INA: variants seen among roughly 807,000 people sequenced by gnomAD.
INA encodes the protein internexin neuronal intermediate filament protein alpha.
INA carries 35 observed loss-of-function variants against 40.1 expected under a neutral mutation model. That is an observed-to-expected ratio of 0.87 (90% CI 0.67 to 1.16). The LOEUF (loss-of-function observed/expected upper bound fraction) is 1.16. INA is among the 50% of genes most tolerant of loss of function. The pLI is 0.00. For missense variants in INA, 594 were observed against 686.7 expected (o/e 0.87, Z 1.51); for synonymous variants, 290 against 316.9 (o/e 0.92, Z 0.90).
intron 1 of INA, among the ~76,000 whole-genome samples, chr10:103,284,606 T>C (rs1351932850): frequency 6.6e-6 from 1 of 151,774 alleles, no homozygotes; most frequent in Non-Finnish European, 1.5e-5. Context: ...ATACAAAAAT[T>C]AGCCAGGTGT....
At chr10:103,288,160 A>G (rs1022496156) in intron 2 of INA, among the ~76,000 whole-genome samples, 200 bp from the exon 3 acceptor site, 2 of 152,128 alleles carry the variant, frequency 1.3e-5, no homozygotes, top group East Asian at 3.8e-4. Context: ...CTGGTGCTGA[A>G]GGGGGGTGTG....
Position 103,277,432 on chromosome 10 carries a change from G to T in INA, c.221G>T (p.Gly74Val). The T allele has an allele frequency of 6.4e-7, 1 of 1,570,480 alleles. No individual in the cohort carries two copies. Among genetic ancestry groups the T allele is most frequent in the Non-Finnish European group, 8.6e-7 (1 of 1,163,192 alleles). Reference protein sequence around the residue: ...LAYRRPPASDGLDLSQAAART... With the variant: ...LAYRRPPASDVLDLSQAAART... Reference sequence around the variant, plus strand: ...TATCGCCGGCCGCCGGCGTCCGACGGGCTGGACCTGAGCCAGGCGGCGGCG... The same window carrying T: ...TATCGCCGGCCGCCGGCGTCCGACGTGCTGGACCTGAGCCAGGCGGCGGCG... Residue 74 changes from glycine to valine, a missense_variant, in exon 1 of 3, where the codon GGG (glycine) becomes GTG (valine). Physicochemically the swap from Gly to Val is moderately radical, Grantham distance 109. Transcript: ENST00000369849. The surrounding 1 kb of genome is among the most constrained non-coding windows in gnomAD (Gnocchi z 5.6).
At position 103,277,988 on chromosome 10, in the gene INA, A is replaced by G. The variant is rs1379799446; in HGVS notation, c.777A>G (p.Pro259=). 2 of 1,591,442 alleles carry G rather than the reference A, an allele frequency of 1.3e-6. No homozygotes were observed. The highest frequency in any genetic ancestry group is 2.7e-5 in the African/African-American group (2 of 74,352). The change falls in exon 1 of 3, where the codon CCA becomes CCG. Residue 259 remains proline (P), a synonymous_variant. Transcript: ENST00000369849. This position sits in a 1 kb window ranked among gnomAD's most constrained non-coding sequence, Gnocchi z 5.6. ...AAEVDVTVAK[P]DLTSALREIR... ...AGGTGGACGTGACTGTGGCTAAACC[A>G]GACCTGACCTCGGCTCTGAGGGAGA...
chr10:103,286,426 C>T (rs1249429926), intron 1 of INA, among the ~76,000 whole-genome samples: 1 of 151,330 alleles, frequency 6.6e-6, no homozygotes. Context: ...TTCCATGCCT[C>T]GGTGTTTTAA....
intron 1 of INA, among the ~76,000 whole-genome samples, chr10:103,285,916 G>A (rs1321725230): frequency 1.3e-5 from 2 of 151,956 alleles, no homozygotes; most frequent in Non-Finnish European, 2.9e-5. Flanking sequence ...CCACACCCGG[G>A]TGAACTGAAT....
Position 103,278,340 on chromosome 10 carries a change from C to T in INA, c.1065+64C>T. On this transcript the variant is annotated intron_variant, in intron 1 of 2. Coordinates refer to ENST00000369849, the MANE Select transcript of INA (RefSeq NM_032727.4). The surrounding 1 kb of genome is among the most constrained non-coding windows in gnomAD (Gnocchi z 4.9). ...CCTCTTCCGCGCGTACCCTCTTCCTCTGGTAAAACTGGGCCCCAGGACTTA... is the reference window on the plus strand; with the variant it reads ...CCTCTTCCGCGCGTACCCTCTTCCTTTGGTAAAACTGGGCCCCAGGACTTA... 7.7e-7 allele frequency: 1 copy of T among 1,292,242 alleles called. No individual in the cohort carries two copies. The highest frequency in any genetic ancestry group is 2.5e-5 in the East Asian group (1 of 39,318). 80.0% of individuals were successfully genotyped at this position (1,292,242 alleles called of 1,614,324 possible).
chr10:103,282,898 G>C (rs1051709436), intron 1 of INA, among the ~76,000 whole-genome samples: 5 of 152,274 alleles, frequency 3.3e-5, no homozygotes, highest in Admixed American at 3.3e-4. Context: ...GGGCCATGTG[G>C]TATGATATTA....
chr10:103,282,737 G>C (rs1271129701), intron 1 of INA, among the ~76,000 whole-genome samples: 1 of 150,268 alleles, frequency 6.7e-6, no homozygotes, highest in Admixed American at 6.6e-5. Flanking sequence ...ATTCAAAATT[G>C]TTATTAAAAA....
At chr10:103,284,831 C>T (rs945169115) in intron 1 of INA, among the ~76,000 whole-genome samples, 10 of 151,942 alleles carry the variant, frequency 6.6e-5, no homozygotes, top group Admixed American at 3.9e-4. Context: ...CAACTGAGTG[C>T]TTTTTTTCTA....
intron 1 of INA, 138 bp from the exon 2 acceptor site, chr10:103,286,897 A>G (rs1161609229): frequency 5.0e-6 from 4 of 806,750 alleles, no homozygotes; most frequent in Non-Finnish European, 5.7e-6. Flanking sequence ...GGACTCAGGG[A>G]CAGACCTGGA....
chr10:103,279,071 G>GT (rs1049330166), intron 1 of INA, among the ~76,000 whole-genome samples: 2 of 152,062 alleles, frequency 1.3e-5, no homozygotes, highest in Non-Finnish European at 2.9e-5. Flanking sequence ...CTCCTGTCTC[G>GT]TGTCCCAGTT....
chr10:103,277,195 GC>G lies in INA; in HGVS notation c.-13del. ...AGCTCGCGTTGAAGCCGCACGTCCG[GC>G]CCCGATCCCGGCACCATGAGCTTCG... On this transcript the variant is annotated 5_prime_UTR_variant, in exon 1 of 3. Coordinates refer to ENST00000369849, the MANE Select transcript of INA (RefSeq NM_032727.4). This position sits in a 1 kb window ranked among gnomAD's most constrained non-coding sequence, Gnocchi z 5.6. 1.3e-6 allele frequency: 2 copies of G among 1,566,052 alleles called. No individual in the cohort carries two copies. The highest frequency in any genetic ancestry group is 1.9e-5 in the Admixed American group (1 of 53,622).
Position 103,277,391 on chromosome 10 carries a change from C to A in INA, c.180C>A (p.Leu60=), listed in dbSNP as rs1328764247. Residue 60 remains leucine, a synonymous_variant, in exon 1 of 3, where the codon CTC becomes CTA. Transcript: ENST00000369849. This position sits in a 1 kb window ranked among gnomAD's most constrained non-coding sequence, Gnocchi z 5.6. ...SSAACSSASS[L]GLGLAYRRPP... Reference sequence around the variant, plus strand: ...CCGCCTGCTCCTCGGCCTCGTCGCTCGGCCTCGGCCTGGCCTATCGCCGGC... The same window carrying A: ...CCGCCTGCTCCTCGGCCTCGTCGCTAGGCCTCGGCCTGGCCTATCGCCGGC... 6.4e-7 allele frequency: 1 copy of A among 1,553,368 alleles called. No homozygotes were observed.
Position 103,285,467 on chromosome 10 carries a change from TG to T in INA, c.1066-1567del. Among the ~76,000 whole-genome samples, 2 of 148,872 alleles carry T rather than the reference TG, an allele frequency of 1.3e-5. 1 individual carries two copies. Among genetic ancestry groups the T allele is most frequent in the Non-Finnish European group, 3.0e-5 (2 of 67,380 alleles). On this transcript the variant is annotated intron_variant, in intron 1 of 2. Coordinates refer to ENST00000369849, the MANE Select transcript of INA (RefSeq NM_032727.4). Reference sequence around the variant, plus strand: ...CTTGCCACTGCACACAGCTAATTTTTGTACTTTTAGTAGAGACGGGGTTTCT... The same window carrying T: ...CTTGCCACTGCACACAGCTAATTTTTTACTTTTAGTAGAGACGGGGTTTCT...
Position 103,277,603 on chromosome 10 carries a change from A to T in INA, c.392A>T (p.Gln131Leu), listed in dbSNP as rs776591839. ...GAGGCCGAGCTGGCCGCGCTGCGAC[A>T]GCGCCACGCTGAGCCGTCGCGCGTC... ...ALEAELAALR[Q>L]RHAEPSRVGE... Residue 131 changes from glutamine to leucine, a missense_variant, in exon 1 of 3, where the codon CAG (glutamine) becomes CTG (leucine). This residue lies in a region of INA where 215 missense variants were observed against 190.6 expected (regional missense o/e 1.13). Transcript: ENST00000369849. The surrounding 1 kb of genome is among the most constrained non-coding windows in gnomAD (Gnocchi z 5.6). 6.5e-7 allele frequency: 1 copy of T among 1,545,612 alleles called. No individual in the cohort carries two copies. The highest frequency in any genetic ancestry group is 1.2e-5 in the South Asian group (1 of 85,444).
Position 103,289,292 on chromosome 10 carries a change from C to G in INA, c.*623C>G, listed in dbSNP as rs1266153724. The G allele has an allele frequency of 2.0e-5, 3 of 152,612 alleles. No individual in the cohort carries two copies. The highest frequency in any genetic ancestry group is 2.9e-5 in the Non-Finnish European group (2 of 68,046). 9.5% of individuals were successfully genotyped at this position (152,612 alleles called of 1,614,324 possible). On this transcript the variant is annotated 3_prime_UTR_variant, in exon 3 of 3. Transcript: ENST00000369849. ...AACTTACCCCCATTCGCGCTCTGCTCAGTGGGTAAAATTAGATGCATGTTG... is the reference window on the plus strand; with the variant it reads ...AACTTACCCCCATTCGCGCTCTGCTGAGTGGGTAAAATTAGATGCATGTTG...
At position 103,278,161 on chromosome 10, in the gene INA, G is replaced by C. The variant is rs1467654944; in HGVS notation, c.950G>C (p.Arg317Pro). ...ASREEIHEYR[R>P]QLQARTIEIE... ...CGCGAGGAGATCCACGAGTATCGGCGCCAGCTGCAGGCGCGCACCATCGAG... is the reference window on the plus strand; with the variant it reads ...CGCGAGGAGATCCACGAGTATCGGCCCCAGCTGCAGGCGCGCACCATCGAG... The change falls in exon 1 of 3, where the codon CGC (arginine) becomes CCC (proline). Residue 317 changes from arginine (R) to proline (P), a missense_variant. Coordinates refer to ENST00000369849, the MANE Select transcript of INA (RefSeq NM_032727.4). This position sits in a 1 kb window ranked among gnomAD's most constrained non-coding sequence, Gnocchi z 4.9. The C allele has an allele frequency of 1.9e-6, 3 of 1,612,362 alleles. No individual in the cohort carries two copies. The South Asian group carries it at 3.3e-5, about 18-fold the overall frequency.
In INA at chr10:103,285,807, G is replaced by T. The variant is rs189497181; in HGVS notation, c.1066-1228G>T. Among the ~76,000 whole-genome samples the T allele has an allele frequency of 2.6e-5, 4 of 151,672 alleles. No individual in the cohort carries two copies. In the South Asian group the frequency reaches 8.3e-4, roughly 32 times the overall value. ...TAATTTTTGTATTTTTAGTAGAGACGGAGTTTTGCCATGTTAGCCAGGCTA... is the reference window on the plus strand; with the variant it reads ...TAATTTTTGTATTTTTAGTAGAGACTGAGTTTTGCCATGTTAGCCAGGCTA... On this transcript the variant is annotated intron_variant, in intron 1 of 2. Transcript: ENST00000369849.
chr10:103,288,366 G>A lies in INA; in HGVS notation c.1197G>A (p.Leu399=). 6.3e-7 allele frequency: 1 copy of A among 1,594,202 alleles called. No homozygotes were observed. Among genetic ancestry groups the A allele is most frequent in the Non-Finnish European group, 8.5e-7 (1 of 1,173,708 alleles). ...LDIEIAAYRK[L]LEGEETRFST... is the part of the protein sequence containing the mutation. Reference sequence around the variant, plus strand: ...TTCTCTGTTGAATTTACAGGAAACTGCTGGAAGGCGAGGAGACACGTTTTA... The same window carrying A: ...TTCTCTGTTGAATTTACAGGAAACTACTGGAAGGCGAGGAGACACGTTTTA... The change falls in exon 3 of 3, where the codon CTG becomes CTA. Residue 399 remains leucine, a synonymous_variant. Transcript: ENST00000369849.
Sources: allele counts gnomAD v4.1 joint callset (sites outside exome capture counted in the v4.1 genomes callset), GRCh38; gene constraint gnomAD v4.1.1; regional missense constraint gnomAD v4.1.1; non-coding constraint Gnocchi (gnomAD v3.1); transcripts MANE v1.5; gene names NCBI Gene and HGNC (gene_info 2026-07-23, HGNC 2026-07-21).